The following CWF19L2 variants were observed in gnomAD, a reference collection of about 807,000 sequenced individuals.
The protein encoded by CWF19L2 is CWF19-like protein 2.
A neutral mutation model predicts 111.7 loss-of-function variants in CWF19L2; 98 were observed. The observed-to-expected ratio is 0.88, with a 90% confidence interval of 0.75 to 1.04. The LOEUF (loss-of-function observed/expected upper bound fraction) is 1.04. Among genes scored for constraint, CWF19L2 ranks in the 50% least tolerant of loss-of-function variants. The pLI, the probability that CWF19L2 is intolerant of heterozygous loss-of-function variation, is 0.00. For missense variants in CWF19L2, 1,101 were observed against 1,051.4 expected, an observed-to-expected ratio of 1.05 and a Z score of -0.65; for synonymous variants, 351 against 342.9, an observed-to-expected ratio of 1.02 and a Z score of -0.26.
chr11:107,440,888 T>C (rs1205202295), intron 5 of CWF19L2, among the ~76,000 whole-genome samples: 1 of 152,080 alleles, frequency 6.6e-6, no homozygotes, highest in African/African-American at 2.4e-5. Context: ...ATTAGGCTGA[T>C]AAAAAAATAT....
At chr11:107,365,256 C>CAA (rs1311333225) in intron 12 of CWF19L2, among the ~76,000 whole-genome samples, 2 of 146,524 alleles carry the variant, frequency 1.4e-5, no homozygotes, top group African/African-American at 5.2e-5. Context: ...CAAGGAGGAA[C>CAA]TGGTACCATT....
intron 14 of CWF19L2, among the ~76,000 whole-genome samples, chr11:107,342,431 G>T (rs1265993266): frequency 6.6e-6 from 1 of 151,822 alleles, no homozygotes; most frequent in African/African-American, 2.4e-5. Context: ...CACTATTGAA[G>T]TGTATTATTT....
Position 107,441,558 on chromosome 11 carries a change from G to A in CWF19L2, c.515C>T (p.Ala172Val). 6.4e-7 allele frequency: 1 copy of A among 1,551,872 alleles called. No individual in the cohort carries two copies. The highest frequency in any genetic ancestry group is 8.7e-7 in the Non-Finnish European group (1 of 1,147,224). Residue 172 changes from alanine (A) to valine (V), a missense_variant, in exon 5 of 18, where the codon GCT becomes GTT. Ala to Val is a moderately conservative substitution (Grantham distance 64). Transcript: ENST00000282251. ...TATTTTCCTCATAGTTTCCTTTTCA[G>A]CTTTGAGTGATGATGATGACACAGT... Reference protein sequence around the residue: ...VKTVSSSSLKAEKETMRKIEQ... With the variant: ...VKTVSSSSLKVEKETMRKIEQ...
intron 12 of CWF19L2, among the ~76,000 whole-genome samples, chr11:107,359,554 C>G (rs1860291908): frequency 6.6e-6 from 1 of 152,100 alleles, no homozygotes; most frequent in African/African-American, 2.4e-5. Context: ...GATAAACTAG[C>G]AAAATTTTTG....
intron 1 of CWF19L2, among the ~76,000 whole-genome samples, chr11:107,457,172 G>A (rs1861866748): frequency 6.6e-6 from 1 of 152,234 alleles, no homozygotes; most frequent in Non-Finnish European, 1.5e-5. Context: ...AATGTTTCGC[G>A]ATCTTTTGTG....
chr11:107,332,765 A>C (rs1191371660), intron 16 of CWF19L2, among the ~76,000 whole-genome samples: 4 of 152,110 alleles, frequency 2.6e-5, no homozygotes, highest in Non-Finnish European at 5.9e-5. Context: ...CCTCCTTTGG[A>C]ATTTTTCTTA....
At chr11:107,420,943 T>C (rs2135401643) in intron 8 of CWF19L2, among the ~76,000 whole-genome samples, 1 of 151,686 alleles carries the variant, frequency 6.6e-6, no homozygotes, top group African/African-American at 2.4e-5. Flanking sequence ...TCAACTAACA[T>C]GCCCAAATGG....
rs148507563 is a variant in CWF19L2, at chr11:107,336,665, A to G, written c.2251T>C (p.Cys751Arg). ...CTCATATTAGTTTCCAAAAAAATGC[A>G]GTCTAATCCTTTATCTTCAAACATC... is the stretch of plus-strand genomic sequence containing the variant. ...VKMFEDKGLDCIFLETNMSMK... is the reference protein window; with the variant it reads ...VKMFEDKGLDRIFLETNMSMK... The change falls in exon 15 of 18, where the codon TGC becomes CGC. Residue 751 changes from cysteine to arginine, a missense_variant. Transcript: ENST00000282251. 354 of 1,572,406 alleles carry G rather than the reference A, an allele frequency of 2.3e-4. No individual in the cohort carries two copies. The highest frequency in any genetic ancestry group is 3.0e-4 in the Non-Finnish European group (351 of 1,153,140).
At chr11:107,370,095 A>G (rs1274990776) in intron 12 of CWF19L2, among the ~76,000 whole-genome samples, 1 of 137,906 alleles carries the variant, frequency 7.3e-6, no homozygotes, top group African/African-American at 2.9e-5. Flanking sequence ...TAATGATTAA[A>G]TAACCATTAA....
intron 1 of CWF19L2, among the ~76,000 whole-genome samples, chr11:107,457,319 T>C (rs1861869110): frequency 6.6e-6 from 1 of 152,140 alleles, no homozygotes; most frequent in South Asian, 2.1e-4. Context: ...CTTGAATGTG[T>C]TTCCGAAAAA....
chr11:107,326,732 T>C lies in CWF19L2; in HGVS notation c.*178A>G, dbSNP rs575174709. On this transcript the variant is annotated 3_prime_UTR_variant, in exon 18 of 18. Coordinates refer to ENST00000282251, the MANE Select transcript of CWF19L2 (RefSeq NM_152434.3). ...TGGTGACTAAAATGAAGTCCATAGA[T>C]AGGAGCAGGTGAAGAAGAAAACAAC... 3.2e-5 allele frequency: 15 copies of C among 469,442 alleles called. No homozygotes were observed. In the Admixed American group the frequency reaches 4.5e-4, roughly 14 times the overall value. The allele number at this position is 469,442 out of a possible 1,614,324, so 29.1% of individuals were successfully genotyped here.
At chr11:107,437,115 A>C (rs573958963) in intron 6 of CWF19L2, among the ~76,000 whole-genome samples, 1 of 152,280 alleles carries the variant, frequency 6.6e-6, no homozygotes, top group South Asian at 2.1e-4. Flanking sequence ...CCTGTTGATA[A>C]AACCTTCCCA....
chr11:107,337,102 C>T (rs1257652815), intron 14 of CWF19L2, among the ~76,000 whole-genome samples: 1 of 152,168 alleles, frequency 6.6e-6, no homozygotes, highest in Non-Finnish European at 1.5e-5. Flanking sequence ...CATCCTTAAA[C>T]TCAGAAATAC....
chr11:107,359,088 G>A (rs1337297332), intron 12 of CWF19L2, among the ~76,000 whole-genome samples: 6 of 152,130 alleles, frequency 3.9e-5, no homozygotes, highest in Non-Finnish European at 8.8e-5. Flanking sequence ...TTACACATGA[G>A]CTTACCATCA....
intron 3 of CWF19L2, among the ~76,000 whole-genome samples, chr11:107,451,304 C>A (rs375529648): frequency 6.6e-6 from 1 of 151,850 alleles, no homozygotes; most frequent in South Asian, 2.1e-4. Flanking sequence ...ATCAAAGTTA[C>A]GTAGAGATAC....
intron 3 of CWF19L2, 22 bp downstream of exon 3, chr11:107,454,424 TTTGA>T (rs1176173865): frequency 1.3e-5 from 17 of 1,317,598 alleles, no homozygotes; most frequent in South Asian, 2.4e-5. Context: ...AAATAGCTGC[TTTGA>T]TTAATTTTAG....
rs1432483995 is a variant in CWF19L2, at chr11:107,457,792, T to C, written c.25A>G (p.Ser9Gly). 8.4e-6 allele frequency: 13 copies of C among 1,551,520 alleles called. No individual in the cohort carries two copies. Among genetic ancestry groups the C allele is most frequent in the Admixed American group, 5.9e-5 (3 of 50,978 alleles). Residue 9 changes from serine to glycine, a missense_variant, in exon 1 of 18, where the codon AGT becomes GGT. Physicochemically the swap from Ser to Gly is moderately conservative, Grantham distance 56. Transcript: ENST00000282251. ...CTCTTCGCACTTTCAAATCTACCAC[T>C]AGCAGCCGCCATACTTGTTGCCATC... MATSMAAA[S>G]GRFESAKSIE...
At chr11:107,374,413 G>A (rs1246103118) in intron 12 of CWF19L2, among the ~76,000 whole-genome samples, 2 of 134,886 alleles carry the variant, frequency 1.5e-5, no homozygotes, top group African/African-American at 3.1e-5. Context: ...CAGACTAACA[G>A]CAGATCTCTC....
intron 3 of CWF19L2, 47 bp from the exon 4 acceptor site, chr11:107,443,096 T>C: frequency 7.8e-7 from 1 of 1,277,834 alleles, no homozygotes. Flanking sequence ...TTGCATACTT[T>C]GATATAAAAA....
Sources: gnomAD v4.1 joint callset for allele counts (sites outside exome capture counted in the v4.1 genomes callset) on GRCh38, gnomAD v4.1.1 for gene constraint, MANE v1.5 for transcripts, NCBI Gene and HGNC (gene_info 2026-07-23, HGNC 2026-07-21) for gene names.